The following MDGA2 variants were observed in gnomAD, a reference collection of about 807,000 sequenced individuals.
MDGA2 encodes MAM domain containing glycosylphosphatidylinositol anchor 2.
Under a neutral mutation model 117.8 loss-of-function variants are expected in MDGA2, and 40 were observed. That is an observed-to-expected ratio of 0.34 (90% confidence interval 0.26 to 0.44). The LOEUF is 0.44. MDGA2 is among the 20% of genes least tolerant of loss of function. The probability of loss-of-function intolerance (pLI) is 1.00; values close to 1 mark genes in which losing one functional copy is unlikely to be tolerated. For synonymous variants in MDGA2, 452 were observed against 439.0 expected (o/e 1.03, Z -0.37); for missense variants, 1,123 against 1,250.6 (o/e 0.90, Z 1.54).
intron 1 of MDGA2, among the ~76,000 whole-genome samples, chr14:47,458,625 T>C (rs567954391): frequency 4.6e-5 from 7 of 152,258 alleles, no homozygotes; most frequent in African/African-American, 1.7e-4. Context: ...TGGTGTATAC[T>C]TGAAATGTGC....
chr14:47,254,426 G>A (rs1313090470), intron 2 of MDGA2, among the ~76,000 whole-genome samples: 3 of 152,102 alleles, frequency 2.0e-5, no homozygotes, highest in African/African-American at 4.8e-5. Context: ...GGAGCAAAAT[G>A]CCACCAGTTT....
chr14:47,511,779 G>A (rs1319595114), intron 1 of MDGA2, among the ~76,000 whole-genome samples: 3 of 152,098 alleles, frequency 2.0e-5, no homozygotes, highest in African/African-American at 7.2e-5. Flanking sequence ...AAATATCAAT[G>A]CAACTGGTAA....
intron 6 of MDGA2, among the ~76,000 whole-genome samples, chr14:47,072,589 T>C (rs1037021278): frequency 6.6e-6 from 1 of 152,158 alleles, no homozygotes; most frequent in Non-Finnish European, 1.5e-5. Context: ...TGAACCCTAG[T>C]CCAATATCAG....
intron 8 of MDGA2, among the ~76,000 whole-genome samples, chr14:46,971,191 A>T (rs1308004715): frequency 6.6e-6 from 1 of 152,102 alleles, no homozygotes; most frequent in Non-Finnish European, 1.5e-5. Context: ...AACTATCACA[A>T]TCTACCAATT....
intron 1 of MDGA2, among the ~76,000 whole-genome samples, chr14:47,436,849 A>C (rs1017881575): frequency 2.6e-5 from 4 of 152,124 alleles, no homozygotes; most frequent in Admixed American, 2.6e-4. Context: ...CTCAGGATCC[A>C]AGTTCTTGAT....
intron 5 of MDGA2, among the ~76,000 whole-genome samples, chr14:47,129,426 CT>C (rs1304350884): frequency 6.6e-6 from 1 of 151,736 alleles, no homozygotes; most frequent in Non-Finnish European, 1.5e-5. Context: ...TGAACTCATC[CT>C]TTTTTATGGC....
At chr14:47,215,553 G>A (rs1276516955) in intron 3 of MDGA2, among the ~76,000 whole-genome samples, 2 of 152,052 alleles carry the variant, frequency 1.3e-5, no homozygotes, top group Non-Finnish European at 1.5e-5. Flanking sequence ...ATTGTTAAGT[G>A]TTCTTATCAC....
intron 1 of MDGA2, among the ~76,000 whole-genome samples, chr14:47,525,728 G>T (rs1894958803): frequency 6.8e-6 from 1 of 147,116 alleles, no homozygotes; most frequent in Non-Finnish European, 1.5e-5. Context: ...TTGATTTTAA[G>T]TTTTTTTTTT....
At chr14:47,658,771 T>C (rs1298475370) in intron 1 of MDGA2, among the ~76,000 whole-genome samples, 2 of 152,118 alleles carry the variant, frequency 1.3e-5, no homozygotes, top group African/African-American at 4.8e-5. Flanking sequence ...CTAACCCAAA[T>C]ATATTGGCTC....
At chr14:47,432,035 G>A (rs117576745) in intron 1 of MDGA2, among the ~76,000 whole-genome samples, 5,949 of 152,130 alleles carry the variant, frequency 0.039, 161 homozygotes, top group Middle Eastern at 0.071. Flanking sequence ...ATCCAATGGA[G>A]ATTAACATAA....
At chr14:47,621,642 A>T (rs1897052192) in intron 1 of MDGA2, among the ~76,000 whole-genome samples, 1 of 152,230 alleles carries the variant, frequency 6.6e-6, no homozygotes, top group Non-Finnish European at 1.5e-5. Flanking sequence ...AAATGTGAGC[A>T]GGGATGATGT....
In MDGA2 at chr14:47,324,836, CAGAG is replaced by C. The variant is rs918649667; in HGVS notation, c.281-23290_281-23287del. On this transcript the variant is annotated intron_variant, in intron 1 of 16. Transcript: ENST00000399232. Reference sequence around the variant, plus strand: ...ATGTTGTAATTCAGTATTGTATACACAGAGAGAGAGAGAGAGAAAGAGAGAGAGA... The same window carrying C: ...ATGTTGTAATTCAGTATTGTATACACAGAGAGAGAGAGAAAGAGAGAGAGA... Among the ~76,000 whole-genome samples, 186 of 149,372 alleles carry C rather than the reference CAGAG, an allele frequency of 1.2e-3. 1 individual carries two copies. Among genetic ancestry groups the C allele is most frequent in the African/African-American group, 4.3e-3 (176 of 40,896 alleles).
intron 1 of MDGA2, among the ~76,000 whole-genome samples, chr14:47,535,158 A>G (rs989427136): frequency 6.6e-6 from 1 of 152,160 alleles, no homozygotes; most frequent in African/African-American, 2.4e-5. Context: ...AAAAAAAAAA[A>G]TTAAAAAGCA....
intron 10 of MDGA2, 102 bp from the exon 11 acceptor site, chr14:46,882,323 G>T: frequency 1.1e-6 from 1 of 941,158 alleles, no homozygotes; most frequent in African/African-American, 1.7e-5. Flanking sequence ...CAAAAAGTAC[G>T]TATATTAATG....
At chr14:47,115,653 T>C (rs544131052) in intron 5 of MDGA2, among the ~76,000 whole-genome samples, 1 of 152,170 alleles carries the variant, frequency 6.6e-6, no homozygotes, top group African/African-American at 2.4e-5. Context: ...ATTAATGTGA[T>C]ACACTACATT....
At chr14:47,486,347 T>G (rs61995193) in intron 1 of MDGA2, among the ~76,000 whole-genome samples, 1,658 of 152,322 alleles carry the variant, frequency 0.011, 19 homozygotes, top group Middle Eastern at 0.024. Context: ...ATCACTGTAT[T>G]TACCCAATGC....
chr14:47,176,867 C>A (rs920818534), intron 3 of MDGA2, among the ~76,000 whole-genome samples: 13 of 152,182 alleles, frequency 8.5e-5, no homozygotes, highest in African/African-American at 3.1e-4. Context: ...AACAGGCAAC[C>A]TACACAATGG....
chr14:47,548,926 G>A (rs1895519292), intron 1 of MDGA2, among the ~76,000 whole-genome samples: 2 of 152,128 alleles, frequency 1.3e-5, no homozygotes, highest in Admixed American at 6.6e-5. Flanking sequence ...CACAACTGCA[G>A]CTGAGGTTAT....
At chr14:47,471,100 G>T (rs1180796092) in intron 1 of MDGA2, among the ~76,000 whole-genome samples, 2 of 152,098 alleles carry the variant, frequency 1.3e-5, no homozygotes, top group African/African-American at 4.8e-5. Context: ...CTCAAATATT[G>T]TGAGTTGATA....
Sources: allele counts gnomAD v4.1 joint callset (sites outside exome capture counted in the v4.1 genomes callset), GRCh38; gene constraint gnomAD v4.1.1; transcripts MANE v1.5; gene names NCBI Gene and HGNC (gene_info 2026-07-23, HGNC 2026-07-21).